The following SLC25A48 variants were observed in gnomAD, a reference collection of about 807,000 sequenced individuals.
The protein encoded by SLC25A48 is CTC-321K16.1.
Under a neutral mutation model 32.2 loss-of-function variants are expected in SLC25A48, and 29 were observed. The observed-to-expected ratio is 0.90, with a 90% CI of 0.67 to 1.23. The LOEUF is 1.23. Among genes scored for constraint, SLC25A48 ranks in the 50% most tolerant of loss-of-function variants. The pLI is 0.00. For synonymous variants in SLC25A48, 164 were observed against 172.3 expected (o/e 0.95, Z 0.38); for missense variants, 399 against 422.7 (o/e 0.94, Z 0.49).
chr5:135,861,892 A>G (rs577422260), intron 4 of SLC25A48, among the ~76,000 whole-genome samples: 1 of 152,110 alleles, frequency 6.6e-6, no homozygotes, highest in Admixed American at 6.5e-5. Flanking sequence ...CCATTGCACA[A>G]TAACCAGTAG....
intron 3 of SLC25A48, among the ~76,000 whole-genome samples, chr5:135,772,720 T>C (rs1178349398): frequency 6.6e-6 from 1 of 151,588 alleles, no homozygotes; most frequent in East Asian, 1.9e-4. Flanking sequence ...GAGAGGATAA[T>C]ATTACTCTCA....
At chr5:135,805,365 G>A (rs145407290) in intron 3 of SLC25A48, among the ~76,000 whole-genome samples, 1 of 150,780 alleles carries the variant, frequency 6.6e-6, no homozygotes, top group Admixed American at 6.6e-5. Flanking sequence ...TATCAACATG[G>A]GCATACACCC....
intron 3 of SLC25A48, among the ~76,000 whole-genome samples, chr5:135,740,495 G>C (rs1755476285): frequency 6.6e-6 from 1 of 152,168 alleles, no homozygotes; most frequent in African/African-American, 2.4e-5. Flanking sequence ...CAAGGCATTT[G>C]AGGTCAGGGC....
intron 1 of SLC25A48, among the ~76,000 whole-genome samples, chr5:135,624,571 A>G (rs926291966): frequency 9.9e-5 from 15 of 152,180 alleles, no homozygotes; most frequent in African/African-American, 3.6e-4. Context: ...TTCCAAGGGA[A>G]CTGGGATTCT....
chr5:135,690,698 G>A (rs763423677), intron 3 of SLC25A48, among the ~76,000 whole-genome samples: 1 of 152,180 alleles, frequency 6.6e-6, no homozygotes, highest in Non-Finnish European at 1.5e-5. Context: ...GGTGAGCCAG[G>A]ATTAGGGAAA....
At chr5:135,805,398 A>G (rs1346077029) in intron 3 of SLC25A48, among the ~76,000 whole-genome samples, 1 of 151,532 alleles carries the variant, frequency 6.6e-6, no homozygotes, top group African/African-American at 2.4e-5. Context: ...CTGAAATATT[A>G]TTTATAATGT....
intron 4 of SLC25A48, among the ~76,000 whole-genome samples, chr5:135,868,102 C>A (rs1008185274): frequency 1.3e-5 from 2 of 152,156 alleles, no homozygotes; most frequent in African/African-American, 4.8e-5. Flanking sequence ...ATCAATCGTG[C>A]ACTTGAAAGC....
chr5:135,815,918 T>C (rs1188312167), intron 4 of SLC25A48, among the ~76,000 whole-genome samples: 1 of 152,224 alleles, frequency 6.6e-6, no homozygotes, highest in Non-Finnish European at 1.5e-5. Flanking sequence ...GTTGTATTAG[T>C]CTATTTTCAC....
At chr5:135,638,319 A>G (rs1179288028) in intron 3 of SLC25A48, among the ~76,000 whole-genome samples, 4 of 152,230 alleles carry the variant, frequency 2.6e-5, no homozygotes, top group African/African-American at 9.6e-5. Context: ...CTTGCAGAAC[A>G]CCAAGTACTG....
chr5:135,605,828 A>C (rs1751920258), intron 1 of SLC25A48, among the ~76,000 whole-genome samples: 1 of 152,216 alleles, frequency 6.6e-6, no homozygotes, highest in Non-Finnish European at 1.5e-5. Context: ...GTGGTGCCAC[A>C]GAAATTACAA....
At chr5:135,614,041 A>G (rs1342975493) in intron 1 of SLC25A48, among the ~76,000 whole-genome samples, 1 of 152,154 alleles carries the variant, frequency 6.6e-6, no homozygotes, top group African/African-American at 2.4e-5. Context: ...CAGAATGGTC[A>G]TATTAATAAT....
intron 3 of SLC25A48, among the ~76,000 whole-genome samples, chr5:135,686,039 G>T (rs1171483406): frequency 6.6e-6 from 1 of 152,152 alleles, no homozygotes; most frequent in Non-Finnish European, 1.5e-5. Flanking sequence ...TATGAGGCCG[G>T]AGCAAGCTGA....
intron 1 of SLC25A48, among the ~76,000 whole-genome samples, chr5:135,622,054 A>T (rs1752338190): frequency 6.6e-6 from 1 of 152,348 alleles, no homozygotes. Context: ...ATAAAAGAAG[A>T]ACGGAGAAGG....
intron 1 of SLC25A48, among the ~76,000 whole-genome samples, chr5:135,597,873 G>A (rs1449801372): frequency 2.0e-5 from 3 of 152,112 alleles, no homozygotes; most frequent in Non-Finnish European, 2.9e-5. Context: ...GCATGGTGCT[G>A]CACGCCTGTA....
intron 3 of SLC25A48, among the ~76,000 whole-genome samples, chr5:135,661,716 T>C (rs1242449638): frequency 6.6e-6 from 1 of 152,202 alleles, no homozygotes; most frequent in Non-Finnish European, 1.5e-5. Context: ...TAAACAATAA[T>C]GAATCATACT....
intron 3 of SLC25A48, among the ~76,000 whole-genome samples, chr5:135,788,361 C>T (rs928770988): frequency 1.2e-5 from 1 of 83,592 alleles, no homozygotes; most frequent in South Asian, 4.4e-4. Context: ...GGGGTGTACA[C>T]CCCCCCGCCA....
In SLC25A48 at chr5:135,834,877, G is replaced by A; in HGVS notation, c.30G>A (p.Ala10=). ...GAAGCTTCCAGCTGGAAGACTTTGC[G>A]GCGGGCTGGATCGGAGGTGAGTGTG... MGSFQLEDF[A]AGWIGGAASV... Residue 10 remains alanine (A), a synonymous_variant, in exon 1 of 8, where the codon GCG becomes GCA. Coordinates refer to ENST00000681962, the MANE Select transcript of SLC25A48 (RefSeq NM_001349336.2). The A allele has an allele frequency of 1.9e-6, 3 of 1,604,234 alleles. No homozygotes were observed. The highest frequency in any genetic ancestry group is 2.6e-6 in the Non-Finnish European group (3 of 1,176,328).
Position 135,751,699 on chromosome 5 carries a change from T to C in SLC25A48, c.-520-60824T>C, listed in dbSNP as rs1448609912. On this transcript the variant is annotated intron_variant, in intron 3 of 10. Transcript: ENST00000646290. Reference sequence around the variant, plus strand: ...AAATGTAAAAATTAACTGGGCATGGTGGTGCGTGCCTGTAGTCCCAGCTAC... The same window carrying C: ...AAATGTAAAAATTAACTGGGCATGGCGGTGCGTGCCTGTAGTCCCAGCTAC... Among the ~76,000 whole-genome samples the C allele has an allele frequency of 2.6e-5, 4 of 152,062 alleles. No individual in the cohort carries two copies. In the East Asian group the frequency reaches 7.7e-4, roughly 29 times the overall value.
At chr5:135,745,006 C>A (rs1329708808) in intron 3 of SLC25A48, among the ~76,000 whole-genome samples, 1 of 152,176 alleles carries the variant, frequency 6.6e-6, no homozygotes, top group African/African-American at 2.4e-5. Flanking sequence ...CATACCACTG[C>A]ACTCCAGCCT....
Sources: gnomAD v4.1 joint callset for allele counts (sites outside exome capture counted in the v4.1 genomes callset) on GRCh38, gnomAD v4.1.1 for gene constraint, MANE v1.5 for transcripts, NCBI Gene and HGNC (gene_info 2026-07-23, HGNC 2026-07-21) for gene names.